CFAP46: variants seen among roughly 807,000 people sequenced by gnomAD.
The protein encoded by CFAP46 is cilia and flagella associated protein 46.
Under a neutral mutation model 325.7 loss-of-function variants are expected in CFAP46, and 245 were observed. That is an observed-to-expected ratio of 0.75 (90% confidence interval 0.68 to 0.84). The LOEUF is 0.84. Among genes scored for constraint, CFAP46 ranks in the 40% least tolerant of loss-of-function variants. The pLI is 0.00. For missense variants in CFAP46, 3,346 were observed against 3,543.0 expected (o/e 0.94, Z 1.41); for synonymous variants, 1,523 against 1,495.9 (o/e 1.02, Z -0.42).
intron 50 of CFAP46, among the ~76,000 whole-genome samples, chr10:132,819,755 G>A (rs922839664): frequency 1.8e-4 from 27 of 152,198 alleles, no homozygotes; most frequent in African/African-American, 6.5e-4. Flanking sequence ...ATGGATTACA[G>A]GCTTAAATGT....
chr10:132,856,997 A>G (rs997025451), intron 39 of CFAP46, among the ~76,000 whole-genome samples: 1 of 152,178 alleles, frequency 6.6e-6, no homozygotes, highest in Non-Finnish European at 1.5e-5. Flanking sequence ...GGGCTCACCC[A>G]GGCCTAATGA....
At chr10:132,821,668 T>G (rs1260836270) in intron 50 of CFAP46, among the ~76,000 whole-genome samples, 1 of 137,224 alleles carries the variant, frequency 7.3e-6, no homozygotes, top group African/African-American at 3.0e-5. Context: ...GTGCTGTGTG[T>G]GCTGTGTGTG....
At chr10:132,814,970 CG>C in intron 50 of CFAP46, 56 bp from the exon 51 acceptor site, 1 of 1,481,538 alleles carries the variant, frequency 6.7e-7, no homozygotes, top group Non-Finnish European at 9.4e-7. Flanking sequence ...GGCAGCCCTC[CG>C]GCCACACGGT....
At chr10:132,878,815 T>C (rs978879601) in intron 29 of CFAP46, among the ~76,000 whole-genome samples, 1 of 152,130 alleles carries the variant, frequency 6.6e-6, no homozygotes, top group Admixed American at 6.5e-5. Context: ...GGCAAACTCA[T>C]CCTCAGAAGA....
intron 50 of CFAP46, among the ~76,000 whole-genome samples, chr10:132,821,785 G>A (rs1244509685): frequency 1.1e-4 from 15 of 141,584 alleles, no homozygotes; most frequent in African/African-American, 3.8e-4. Flanking sequence ...TGTGAGTGCT[G>A]ATGTGTGCTG....
chr10:132,941,135 G>A, intron 3 of CFAP46, 75 bp from the exon 4 acceptor site: 2 of 1,484,240 alleles, frequency 1.3e-6, no homozygotes, highest in Non-Finnish European at 1.9e-6. Flanking sequence ...GGATGCCACG[G>A]CTCCCTCACG....
rs1464272480 is a variant in CFAP46 at position 132,821,983 on chromosome 10, GTGTGTGCGCT to G, written c.7118-7079_7118-7070del. Among the ~76,000 whole-genome samples the G allele has an allele frequency of 2.2e-3, 316 of 144,068 alleles. 9 individuals carry two copies. The highest frequency in any genetic ancestry group is 7.6e-3 in the African/African-American group (286 of 37,550). 94.5% of individuals were successfully genotyped at this position (144,068 alleles called of 152,430 possible). On this transcript the variant is annotated intron_variant, in intron 50 of 57. Transcript: ENST00000368586. ...TGCTGTGTGTGCGCTGATGTGTGCT[GTGTGTGCGCT>G]TGTGTGTGCTGTGTGTGCTGATGTG...
At chr10:132,865,590 AAGACC>A (rs1361299396) in intron 35 of CFAP46, among the ~76,000 whole-genome samples, 9 of 152,230 alleles carry the variant, frequency 5.9e-5, no homozygotes, top group Middle Eastern at 3.4e-3. Context: ...AAAACAAACA[AAGACC>A]AGACCAGGCC....
intron 43 of CFAP46, 96 bp downstream of exon 43, chr10:132,846,836 A>G: frequency 1.4e-6 from 2 of 1,423,094 alleles, no homozygotes; most frequent in South Asian, 1.5e-5. Context: ...CTGCTTCTCT[A>G]ATGGAGTCCC....
intron 25 of CFAP46, among the ~76,000 whole-genome samples, chr10:132,887,042 C>T (rs1281707468): frequency 6.7e-6 from 1 of 149,166 alleles, no homozygotes; most frequent in East Asian, 2.0e-4. Context: ...TCTTCTTTCT[C>T]CTCTCATCTT....
intron 24 of CFAP46, among the ~76,000 whole-genome samples, chr10:132,893,355 T>C (rs12771726): frequency 0.42 from 64,608 of 152,108 alleles, 14,046 homozygotes; most frequent in Admixed American, 0.53. Flanking sequence ...AGAGAATCTC[T>C]GATCAGCTGC....
intron 31 of CFAP46, among the ~76,000 whole-genome samples, chr10:132,874,839 C>T (rs1263183320): frequency 6.6e-6 from 1 of 152,184 alleles, no homozygotes; most frequent in Non-Finnish European, 1.5e-5. Flanking sequence ...TGGAAACTTT[C>T]CTTTGAGATA....
intron 50 of CFAP46, among the ~76,000 whole-genome samples, chr10:132,821,700 T>C (rs1340059586): frequency 3.4e-5 from 4 of 118,664 alleles, no homozygotes; most frequent in Admixed American, 8.4e-5. Flanking sequence ...TGTGTGCTGA[T>C]GTGTGCTGAC....
intron 17 of CFAP46, among the ~76,000 whole-genome samples, chr10:132,916,218 CT>C (rs1459881053): frequency 1.3e-5 from 2 of 152,222 alleles, no homozygotes; most frequent in Admixed American, 6.5e-5. Flanking sequence ...TAGCAGCTGC[CT>C]TTCACGCATC....
At chr10:132,879,212 T>C (rs1232766515) in intron 29 of CFAP46, among the ~76,000 whole-genome samples, 1 of 152,066 alleles carries the variant, frequency 6.6e-6, no homozygotes, top group Non-Finnish European at 1.5e-5. Flanking sequence ...GGGGAGTCTT[T>C]TGTTTTGGGG....
intron 25 of CFAP46, among the ~76,000 whole-genome samples, chr10:132,890,015 C>A (rs1393971009): frequency 6.6e-6 from 1 of 152,244 alleles, no homozygotes; most frequent in African/African-American, 2.4e-5. Context: ...AAAATCTCTG[C>A]TATGCTCAAT....
At chr10:132,809,980 C>G (rs574075320) in intron 57 of CFAP46, among the ~76,000 whole-genome samples, 1 of 152,208 alleles carries the variant, frequency 6.6e-6, no homozygotes, top group South Asian at 2.1e-4. Context: ...AAGGGGCCGT[C>G]GGGCACTGTG....
chr10:132,819,656 A>G (rs2134812217), intron 50 of CFAP46, among the ~76,000 whole-genome samples: 1 of 152,372 alleles, frequency 6.6e-6, no homozygotes, highest in East Asian at 1.9e-4. Context: ...CGGTCTCGTC[A>G]ATAAACAGTG....
intron 50 of CFAP46, among the ~76,000 whole-genome samples, chr10:132,821,225 G>GC (rs1847810570): frequency 6.9e-6 from 1 of 144,952 alleles, no homozygotes; most frequent in Admixed American, 6.8e-5. Flanking sequence ...TGTGCTGTGT[G>GC]TGTGCTGATG....
Sources: allele counts gnomAD v4.1 joint callset (sites outside exome capture counted in the v4.1 genomes callset), GRCh38; gene constraint gnomAD v4.1.1; transcripts MANE v1.5; gene names NCBI Gene and HGNC (gene_info 2026-07-23, HGNC 2026-07-21).